The following LRRC36 variants were observed in gnomAD, a reference collection of about 807,000 sequenced individuals.
LRRC36 encodes leucine-rich repeat-containing protein 36.
A neutral mutation model predicts 81.1 loss-of-function variants in LRRC36; 62 were observed. That is an observed-to-expected ratio of 0.76 (90% CI 0.62 to 0.94). LRRC36 has a LOEUF of 0.94. Among genes scored for constraint, LRRC36 ranks in the 40% least tolerant of loss-of-function variants. The pLI, the probability that LRRC36 is intolerant of heterozygous loss-of-function variation, is 0.00. For synonymous variants in LRRC36, 334 were observed against 348.6 expected (o/e 0.96, Z 0.47); for missense variants, 761 against 881.7 (o/e 0.86, Z 1.73).
At chr16:67,362,135 T>C (rs1436787035) in intron 5 of LRRC36, 3 of 442,052 alleles carry the variant, frequency 6.8e-6, no homozygotes, top group East Asian at 1.5e-4. Context: ...CAAAATAACA[T>C]ACAGAGTGTT....
Position 67,375,332 on chromosome 16 carries a change from C to T in LRRC36, c.1580C>T (p.Thr527Ile). 1 of 1,612,748 alleles carries T rather than the reference C, an allele frequency of 6.2e-7. No individual in the cohort carries two copies. The highest frequency in any genetic ancestry group is 1.1e-5 in the South Asian group (1 of 91,012). ...TCTGCCAGAACCCCCCATGTGGCCA[C>T]TGTCCTCAGACAGCTCCTGGAGCTT... ...PISARTPHVATVLRQLLELVD... is the reference protein window; with the variant it reads ...PISARTPHVAIVLRQLLELVD... Residue 527 changes from threonine to isoleucine, a missense_variant, in exon 10 of 14, where the codon ACT becomes ATT. This residue lies in a region of LRRC36 where 359 missense variants were observed against 388.4 expected (regional missense o/e 0.92). Coordinates refer to ENST00000329956, the MANE Select transcript of LRRC36 (RefSeq NM_018296.6).
intron 5 of LRRC36, among the ~76,000 whole-genome samples, chr16:67,360,959 C>T (rs1372138568): frequency 6.6e-6 from 1 of 152,156 alleles, no homozygotes; most frequent in Non-Finnish European, 1.5e-5. Context: ...CAGAAGACCT[C>T]AAATCCCAGA....
At chr16:67,383,927 G>GA (rs1194815633) in intron 13 of LRRC36, among the ~76,000 whole-genome samples, 5 of 152,104 alleles carry the variant, frequency 3.3e-5, no homozygotes, top group African/African-American at 7.2e-5. Flanking sequence ...ATTTCATCTT[G>GA]AAAATGCATT....
chr16:67,341,010 T>C (rs140065869), intron 1 of LRRC36, among the ~76,000 whole-genome samples: 979 of 87,552 alleles, frequency 0.011, 49 homozygotes, highest in Middle Eastern at 0.016. Context: ...AGAATATGTA[T>C]TCTATAGAAT....
chr16:67,354,504 C>T (rs1413852395), intron 5 of LRRC36, among the ~76,000 whole-genome samples: 1 of 152,154 alleles, frequency 6.6e-6, no homozygotes, highest in African/African-American at 2.4e-5. Context: ...TCTGAAACCC[C>T]TAACCTCAAG....
rs11436247 is a variant in LRRC36 at position 67,362,093 on chromosome 16, T to TA, written c.578-1489dup. 2,759 of 350,264 alleles carry TA rather than the reference T, an allele frequency of 7.9e-3. 74 individuals carry two copies. Among genetic ancestry groups the TA allele is most frequent in the African/African-American group, 0.052 (2,326 of 44,448 alleles). The allele number at this position is 350,264 out of a possible 1,614,324, so 21.7% of individuals were successfully genotyped here. On this transcript the variant is annotated intron_variant, in intron 5 of 13. Coordinates refer to ENST00000329956, the MANE Select transcript of LRRC36 (RefSeq NM_018296.6). Reference sequence around the variant, plus strand: ...TAAAACTTTTTTTTAATGTAAAAATTAAAAAAAACAAAAACAAAAACAAAT... The same window carrying TA: ...TAAAACTTTTTTTTAATGTAAAAATTAAAAAAAAACAAAAACAAAAACAAAT...
At chr16:67,337,783 C>T (rs985026875) in intron 1 of LRRC36, among the ~76,000 whole-genome samples, 2 of 151,974 alleles carry the variant, frequency 1.3e-5, no homozygotes, top group African/African-American at 2.4e-5. Context: ...TTTTGGGTCT[C>T]AAGATCCCTT....
Position 67,354,040 on chromosome 16 carries a change from T to C in LRRC36, c.577+3750T>C, listed in dbSNP as rs149739858. 2.8e-3 allele frequency among the ~76,000 whole-genome samples: 421 copies of C among 152,326 alleles called. 6 individuals are homozygous for C. The highest frequency in any genetic ancestry group is 9.9e-3 in the African/African-American group (410 of 41,574). On this transcript the variant is annotated intron_variant, in intron 5 of 13. Coordinates refer to ENST00000329956, the MANE Select transcript of LRRC36 (RefSeq NM_018296.6). ...TAAGTCTAAACTCCTTTACTTGGTG[T>C]ATAAGACTCCCCTAAGCTCTATCTG...
At position 67,335,569 on chromosome 16, in the gene LRRC36, G is replaced by A. The variant is rs142541118; in HGVS notation, c.71-6388G>A. On this transcript the variant is annotated intron_variant, in intron 1 of 13. Coordinates refer to ENST00000329956, the MANE Select transcript of LRRC36 (RefSeq NM_018296.6). ...ATCCTCCTCAGTTTACGAAGATGAC[G>A]GAATTAAGAGATTAAAGTAAAGACA... Among the ~76,000 whole-genome samples the A allele has an allele frequency of 6.0e-3, 907 of 152,190 alleles. 10 individuals carry two copies. The highest frequency in any genetic ancestry group is 0.02 in the African/African-American group (830 of 41,530).
intron 11 of LRRC36, among the ~76,000 whole-genome samples, chr16:67,377,784 G>A (rs2039960484): frequency 6.7e-6 from 1 of 150,354 alleles, no homozygotes; most frequent in Non-Finnish European, 1.5e-5. Flanking sequence ...ACAGGCACAC[G>A]CCACCATGCC....
intron 8 of LRRC36, 133 bp from the exon 9 acceptor site, chr16:67,370,811 T>C: frequency 1.4e-6 from 1 of 704,164 alleles, no homozygotes; most frequent in Non-Finnish European, 2.4e-6. Context: ...AGAGTTGGAG[T>C]TTTGTCAGAG....
rs1043638152 is a variant in LRRC36 at position 67,342,009 on chromosome 16, C to T, written c.123C>T (p.Ser41=). ...GATCTTATGCTGGCAAAATCCATTC[C>T]ATTGGTGATGCCTTCAGAAATTTTA... ...LQGSYAGKIH[S]IGDAFRNFKN... The change falls in exon 2 of 14, where the codon TCC becomes TCT. Residue 41 remains serine (S), a synonymous_variant. Coordinates refer to ENST00000329956, the MANE Select transcript of LRRC36 (RefSeq NM_018296.6). 12 of 1,609,586 alleles carry T rather than the reference C, an allele frequency of 7.5e-6. No individual in the cohort carries two copies. Among genetic ancestry groups the T allele is most frequent in the African/African-American group, 1.3e-5 (1 of 74,768 alleles).
chr16:67,356,924 G>C (rs1275606737), intron 5 of LRRC36, among the ~76,000 whole-genome samples: 1 of 152,176 alleles, frequency 6.6e-6, no homozygotes. Context: ...AAGTTGCAAA[G>C]GCCCTCTTTA....
At position 67,354,487 on chromosome 16, in the gene LRRC36, A is replaced by T. The variant is rs570208856; in HGVS notation, c.577+4197A>T. ...GAGATAGGGTTTTACCATGTTGGCC[A>T]GGCTGGTCTGAAACCCCTAACCTCA... On this transcript the variant is annotated intron_variant, in intron 5 of 13. Transcript: ENST00000329956. 2.6e-5 allele frequency among the ~76,000 whole-genome samples: 4 copies of T among 152,312 alleles called. No individual in the cohort carries two copies. The South Asian group carries it at 8.3e-4, about 32-fold the overall frequency.
intron 5 of LRRC36, among the ~76,000 whole-genome samples, chr16:67,357,993 T>C (rs1369570868): frequency 1.3e-5 from 2 of 152,200 alleles, no homozygotes; most frequent in African/African-American, 4.8e-5. Context: ...GGACAACAGG[T>C]CATAATTACA....
chr16:67,326,976 G>C, intron 1 of LRRC36, 44 bp downstream of exon 1: 1 of 1,466,848 alleles, frequency 6.8e-7, no homozygotes. Context: ...CGTAGGGTCA[G>C]AAGCTGTGGA....
chr16:67,353,627 C>T (rs928386804), intron 5 of LRRC36, among the ~76,000 whole-genome samples: 1 of 152,084 alleles, frequency 6.6e-6, no homozygotes, highest in Non-Finnish European at 1.5e-5. Flanking sequence ...CCTCAAGTGA[C>T]CCACGTTCCT....
Position 67,346,377 on chromosome 16 carries a change from A to C in LRRC36, c.320A>C (p.Asn107Thr), listed in dbSNP as rs1249592448. Residue 107 changes from asparagine to threonine, a missense_variant, in exon 3 of 14, where the codon AAT becomes ACT. Around this residue, in one of 3 missense-constraint regions of LRRC36, gnomAD observed 263 missense variants for 279.3 expected, o/e 0.94. Coordinates refer to ENST00000329956, the MANE Select transcript of LRRC36 (RefSeq NM_018296.6). ...CTCAAAGAACTGGATTTGAGACTTA[A>C]TCCTGTTGTAAGGAAAGATACAGAT... ...PFLKELDLRL[N>T]PVVRKDTDYR... 6.2e-6 allele frequency: 10 copies of C among 1,613,330 alleles called. No individual in the cohort carries two copies. Among genetic ancestry groups the C allele is most frequent in the Middle Eastern group, 1.7e-4 (1 of 6,060 alleles).
chr16:67,334,309 G>A (rs932455864), intron 1 of LRRC36, among the ~76,000 whole-genome samples: 3 of 150,980 alleles, frequency 2.0e-5, no homozygotes, highest in African/African-American at 4.9e-5. Context: ...GTGAGCCACC[G>A]CGCCTGGCCG....
Sources: allele counts gnomAD v4.1 joint callset (sites outside exome capture counted in the v4.1 genomes callset), GRCh38; gene constraint gnomAD v4.1.1; regional missense constraint gnomAD v4.1.1; transcripts MANE v1.5; gene names NCBI Gene and HGNC (gene_info 2026-07-23, HGNC 2026-07-21).